GABBR2: variants seen among roughly 807,000 people sequenced by gnomAD.
GABBR2 encodes the protein G-protein coupled receptor 51.
Under a neutral mutation model 105.6 loss-of-function variants are expected in GABBR2, and 23 were observed. The ratio of observed to expected loss-of-function variants is 0.22; its 90% confidence interval spans 0.16 to 0.31. The LOEUF (loss-of-function observed/expected upper bound fraction) is 0.31, where lower values mean the gene tolerates loss of function less well. Ranked by LOEUF, GABBR2 falls within the 10% of genes least tolerant of loss-of-function variation. The pLI is 1.00. For missense variants in GABBR2, 734 were observed against 1,245.5 expected (o/e 0.59, Z 6.18); for synonymous variants, 478 against 499.7 (o/e 0.96, Z 0.58).
chr9:98,333,674 T>G lies in GABBR2; in HGVS notation c.1894-22469A>C, dbSNP rs1284564266. On this transcript the variant is annotated intron_variant, in intron 13 of 18. Transcript: ENST00000259455. ...ACATAATGACATCTGCAAAGACCCC[T>G]TTAGCAAATAAGGCCACATTTCACA... Among the ~76,000 whole-genome samples, 13 of 152,190 alleles carry G rather than the reference T, an allele frequency of 8.5e-5. 1 individual carries two copies. The highest frequency in any genetic ancestry group is 6.5e-4 in the Admixed American group (10 of 15,286).
chr9:98,397,226 C>T (rs1295909193), intron 8 of GABBR2, among the ~76,000 whole-genome samples: 1 of 152,216 alleles, frequency 6.6e-6, no homozygotes, highest in African/African-American at 2.4e-5. Context: ...AAAAGCAGCA[C>T]TGCAGGTGGT....
At chr9:98,458,811 C>T (rs183975394) in intron 6 of GABBR2, among the ~76,000 whole-genome samples, 70 of 152,326 alleles carry the variant, frequency 4.6e-4, no homozygotes, top group African/African-American at 1.6e-3. Flanking sequence ...AAAACCTTCT[C>T]AGATTTCAAG....
intron 2 of GABBR2, chr9:98,555,807 T>G (rs759958814): frequency 5.3e-5 from 8 of 152,170 alleles, no homozygotes; most frequent in Admixed American, 5.2e-4. Context: ...GGGATCATAC[T>G]TCCTACTCAT....
At position 98,388,705 on chromosome 9, in the gene GABBR2, A is replaced by G. The variant is rs75633305; in HGVS notation, c.1529+149T>C. 2,325 of 569,896 alleles carry G rather than the reference A, an allele frequency of 4.1e-3. 47 individuals carry two copies. The highest frequency in any genetic ancestry group is 0.039 in the African/African-American group (2,055 of 53,230). 35.3% of individuals were successfully genotyped at this position (569,896 alleles called of 1,614,324 possible). On this transcript the variant is annotated intron_variant, in intron 10 of 18. Transcript: ENST00000259455. The surrounding 1 kb of genome is among the most constrained non-coding windows in gnomAD (Gnocchi z 4.4). Reference sequence around the variant, plus strand: ...TACTCACATGCATGTAACACCTACAACATCCTAGCAACGGAGGAACACTTT... The same window carrying G: ...TACTCACATGCATGTAACACCTACAGCATCCTAGCAACGGAGGAACACTTT...
intron 3 of GABBR2, among the ~76,000 whole-genome samples, chr9:98,499,753 T>C (rs998583903): frequency 9.2e-5 from 14 of 152,248 alleles, no homozygotes; most frequent in Non-Finnish European, 1.6e-4. Flanking sequence ...AGTTATCTCT[T>C]GTTTAAAACA....
At chr9:98,496,987 G>C (rs183193209) in intron 3 of GABBR2, among the ~76,000 whole-genome samples, 1 of 152,360 alleles carries the variant, frequency 6.6e-6, no homozygotes, top group East Asian at 1.9e-4. Context: ...GATGTTACAC[G>C]TAACTATGTG....
chr9:98,320,317 G>T (rs996072079), intron 13 of GABBR2, among the ~76,000 whole-genome samples: 21 of 151,770 alleles, frequency 1.4e-4, no homozygotes, highest in African/African-American at 4.4e-4. Context: ...TCATTAAAAA[G>T]TCAGGAAACA....
At chr9:98,673,739 G>A (rs10116255) in intron 1 of GABBR2, among the ~76,000 whole-genome samples, 14,806 of 152,134 alleles carry the variant, frequency 0.097, 1,251 homozygotes, top group African/African-American at 0.23. Context: ...CTGAATAAAC[G>A]GGGCATAACA....
chr9:98,561,704 G>A (rs965902531), intron 2 of GABBR2, among the ~76,000 whole-genome samples: 53 of 152,140 alleles, frequency 3.5e-4, no homozygotes, highest in African/African-American at 1.1e-3. Context: ...GCAACATGGC[G>A]AGACTCCGTC....
At position 98,306,011 on chromosome 9, in the gene GABBR2, A is replaced by AT. The variant is rs1435475241; in HGVS notation, c.2229+109dup. 7 of 720,248 alleles carry AT rather than the reference A, an allele frequency of 9.7e-6. No individual in the cohort carries two copies. Among genetic ancestry groups the AT allele is most frequent in the Non-Finnish European group, 1.2e-5 (5 of 433,316 alleles). The allele number at this position is 720,248 out of a possible 1,614,324, so 44.6% of individuals were successfully genotyped here. A position where few individuals can be genotyped will look rare whatever the true frequency, so the allele number is the denominator to read the frequency against. On this transcript the variant is annotated intron_variant, in intron 15 of 18. Transcript: ENST00000259455. This position sits in a 1 kb window ranked among gnomAD's most constrained non-coding sequence, Gnocchi z 5.4. ...TTCTATAATGTGAATTGTCTTCATC[A>AT]TAAAAAAAAAAAGGAATGGGTAAAC...
chr9:98,683,469 C>T (rs1259703672), intron 1 of GABBR2, among the ~76,000 whole-genome samples: 1 of 152,136 alleles, frequency 6.6e-6, no homozygotes, highest in East Asian at 1.9e-4. Context: ...CAGCTCCTAC[C>T]TACGCTATGA....
At chr9:98,612,725 G>A (rs1362310019) in intron 1 of GABBR2, among the ~76,000 whole-genome samples, 1 of 152,116 alleles carries the variant, frequency 6.6e-6, no homozygotes, top group Non-Finnish European at 1.5e-5. Context: ...ATTCTCAGGG[G>A]GGAAAAAACC....
intron 2 of GABBR2, among the ~76,000 whole-genome samples, chr9:98,562,482 A>T (rs1828687824): frequency 6.6e-6 from 1 of 152,202 alleles, no homozygotes; most frequent in African/African-American, 2.4e-5. Context: ...ATGTAAGAGG[A>T]TATAATTGTC....
chr9:98,578,105 A>T (rs766900502), intron 1 of GABBR2, 33 bp from the exon 2 acceptor site: 14 of 1,611,450 alleles, frequency 8.7e-6, no homozygotes, highest in Non-Finnish European at 3.4e-6. Context: ...AAAGGTCCAA[A>T]TTAGAAACAG....
chr9:98,310,926 T>C (rs1319165451), intron 14 of GABBR2, among the ~76,000 whole-genome samples, 169 bp downstream of exon 14: 1 of 152,140 alleles, frequency 6.6e-6, no homozygotes, highest in Non-Finnish European at 1.5e-5. Flanking sequence ...ACCTATCTCA[T>C]AGGGTTGCTG....
chr9:98,302,430 G>A (rs1830484241), intron 16 of GABBR2, among the ~76,000 whole-genome samples: 1 of 152,226 alleles, frequency 6.6e-6, no homozygotes, highest in Admixed American at 6.5e-5. Context: ...TGACCTTGGG[G>A]AGCAGAGCTG....
At chr9:98,638,699 C>A (rs370488425) in intron 1 of GABBR2, among the ~76,000 whole-genome samples, 1 of 152,128 alleles carries the variant, frequency 6.6e-6, no homozygotes, top group Non-Finnish European at 1.5e-5. Context: ...CAGGCCTCCA[C>A]AAACAAGTTT....
At chr9:98,468,445 G>T (rs955937244) in intron 6 of GABBR2, among the ~76,000 whole-genome samples, 16 of 152,178 alleles carry the variant, frequency 1.1e-4, no homozygotes, top group Admixed American at 9.2e-4. Flanking sequence ...CTAGGATGAA[G>T]TGAATAAAGC....
chr9:98,484,515 T>C (rs1827000315), intron 4 of GABBR2, among the ~76,000 whole-genome samples: 1 of 151,678 alleles, frequency 6.6e-6, no homozygotes, highest in Admixed American at 6.6e-5. Flanking sequence ...CTGCCAAGTC[T>C]GGAAGGAAGG....
Sources: allele counts gnomAD v4.1 joint callset (sites outside exome capture counted in the v4.1 genomes callset), GRCh38; gene constraint gnomAD v4.1.1; non-coding constraint Gnocchi (gnomAD v3.1); transcripts MANE v1.5; gene names NCBI Gene and HGNC (gene_info 2026-07-23, HGNC 2026-07-21).